The following ADAMTSL1 variants were observed in gnomAD, a reference collection of about 807,000 sequenced individuals.
The protein encoded by ADAMTSL1 is ADAMTS like 1, also known as ADAMTS-like protein 1.
In ADAMTSL1, 126 loss-of-function variants were observed where a neutral mutation model predicts 201.8. The ratio of observed to expected loss-of-function variants is 0.62; its 90% CI spans 0.54 to 0.72. The LOEUF (loss-of-function observed/expected upper bound fraction) is 0.72. ADAMTSL1 is among the 30% of genes least tolerant of loss of function. ADAMTSL1 has a pLI of 0.00. For synonymous variants in ADAMTSL1, 1,121 were observed against 903.4 expected, an observed-to-expected ratio of 1.24 and a Z score of -4.32; for missense variants, 2,679 against 2,277.8, an observed-to-expected ratio of 1.18 and a Z score of -3.59.
chr9:18,708,398 G>A (rs1297851865), intron 14 of ADAMTSL1, among the ~76,000 whole-genome samples: 1 of 152,158 alleles, frequency 6.6e-6, no homozygotes, highest in Non-Finnish European at 1.5e-5. Flanking sequence ...GGAGAGCCCT[G>A]GTATGTTAAA....
Position 18,634,855 on chromosome 9 carries a change from G to C in ADAMTSL1, c.602-1088G>C, listed in dbSNP as rs1263816209. Among the ~76,000 whole-genome samples the C allele has an allele frequency of 1.0e-4, 9 of 85,868 alleles. No homozygotes were observed. In the Admixed American group the frequency reaches 1.3e-3, roughly 13 times the overall value. The allele number at this position is 85,868 out of a possible 152,430, so 56.3% of individuals were successfully genotyped here. A position where few individuals can be genotyped will look rare whatever the true frequency, so the allele number is the denominator to read the frequency against. On this transcript the variant is annotated intron_variant, in intron 5 of 28. Transcript: ENST00000380548. ...TTCCTCAAAAAAAAAAAAAGAATAT[G>C]TAAATATATATATATATATTTATAT... is the stretch of plus-strand genomic sequence containing the variant.
chr9:18,206,355 C>T (rs1167963504), intron 2 of ADAMTSL1, among the ~76,000 whole-genome samples: 1 of 152,118 alleles, frequency 6.6e-6, no homozygotes, highest in African/African-American at 2.4e-5. Context: ...GCTGGGTGTA[C>T]TAGAGCAGCA....
At chr9:18,886,166 GTATATATATATATATATATATATA>G (rs751978972) in intron 23 of ADAMTSL1, among the ~76,000 whole-genome samples, 1 of 37,138 alleles carries the variant, frequency 2.7e-5, no homozygotes, top group East Asian at 5.4e-4. Context: ...GTGTGTATGT[GTATATATATATATATATATATATA>G]TATATATATA....
In ADAMTSL1 at chr9:18,387,533, AC is replaced by A. The variant is rs567864047; in HGVS notation, c.208-117295del. On this transcript the variant is annotated intron_variant, in intron 2 of 29. Transcript: ENST00000680146. ...ATAAATCATATATAGTATTAATGTT[AC>A]ATTTTTAAAATTATTTCACTTAGTA... Among the ~76,000 whole-genome samples the A allele has an allele frequency of 5.3e-5, 8 of 152,310 alleles. No individual in the cohort carries two copies. The East Asian group carries it at 1.5e-3, about 29-fold the overall frequency.
chr9:17,914,895 C>G (rs570744097), intron 1 of ADAMTSL1, among the ~76,000 whole-genome samples: 1 of 152,140 alleles, frequency 6.6e-6, no homozygotes, highest in East Asian at 1.9e-4. Flanking sequence ...AACAGAGAGC[C>G]AAACCAACTA....
rs1209196635 is a variant in ADAMTSL1, at chr9:18,731,123, G to A, written c.2006+9458G>A. On this transcript the variant is annotated intron_variant, in intron 15 of 28. Coordinates refer to ENST00000380548, the MANE Select transcript of ADAMTSL1 (RefSeq NM_001040272.6). ...AATCTTGGCAATTTTTAAGAATTGG[G>A]GAATTTCAGGAGGACAAGACCAAGA... Among the ~76,000 whole-genome samples, 3 of 152,146 alleles carry A rather than the reference G, an allele frequency of 2.0e-5. 1 individual carries two copies. Among genetic ancestry groups the A allele is most frequent in the Non-Finnish European group, 1.5e-5 (1 of 68,028 alleles).
At chr9:18,280,271 G>T (rs903520654) in intron 2 of ADAMTSL1, among the ~76,000 whole-genome samples, 2 of 152,088 alleles carry the variant, frequency 1.3e-5, no homozygotes, top group Non-Finnish European at 2.9e-5. Flanking sequence ...GGCTGCAGGG[G>T]CTTGCTTGGC....
At chr9:18,629,982 T>A (rs201802097) in intron 5 of ADAMTSL1, among the ~76,000 whole-genome samples, 40 of 71,180 alleles carry the variant, frequency 5.6e-4, no homozygotes, top group African/African-American at 1.7e-3. Context: ...TATGTGCTGT[T>A]TTTTTTGTTT....
chr9:17,999,657 G>T (rs926377002), intron 1 of ADAMTSL1, among the ~76,000 whole-genome samples: 5 of 150,452 alleles, frequency 3.3e-5, no homozygotes, highest in Admixed American at 2.0e-4. Context: ...CCATTGTGCA[G>T]GTTAGTTACA....
chr9:18,058,527 T>C (rs1822298814), intron 1 of ADAMTSL1, among the ~76,000 whole-genome samples: 1 of 152,122 alleles, frequency 6.6e-6, no homozygotes, highest in African/African-American at 2.4e-5. Context: ...ATTGTGAGCA[T>C]ATTTTTTTTT....
chr9:18,655,806 TAAAAAAAAAAAAA>T (rs56662538), intron 7 of ADAMTSL1, among the ~76,000 whole-genome samples: 14,154 of 82,218 alleles, frequency 0.17, 1,019 homozygotes, highest in Middle Eastern at 0.23. Context: ...TTTGTGAGCT[TAAAAAAAAAAAAA>T]AAAAAAAAAA....
At position 17,959,316 on chromosome 9, in the gene ADAMTSL1, A is replaced by C. The variant is rs532833760; in HGVS notation, c.87+52394A>C. Among the ~76,000 whole-genome samples, 29 of 152,152 alleles carry C rather than the reference A, an allele frequency of 1.9e-4. 1 individual carries two copies. In the Middle Eastern group the frequency reaches 0.014, roughly 71 times the overall value. On this transcript the variant is annotated intron_variant, in intron 1 of 29. Coordinates refer to the ADAMTSL1 transcript ENST00000680146. Reference sequence around the variant, plus strand: ...TCTTCTTTTGCATTAGAGGTCTGCTATTTTGGCGTTTTTGTATGATTAAAA... The same window carrying C: ...TCTTCTTTTGCATTAGAGGTCTGCTCTTTTGGCGTTTTTGTATGATTAAAA...
chr9:17,969,719 G>C (rs1818130560), intron 1 of ADAMTSL1, among the ~76,000 whole-genome samples: 1 of 152,012 alleles, frequency 6.6e-6, no homozygotes, highest in South Asian at 2.1e-4. Flanking sequence ...TTTTTAGAAA[G>C]TGTTCTTAGA....
At chr9:18,561,905 C>T (rs1821526848) in intron 3 of ADAMTSL1, among the ~76,000 whole-genome samples, 1 of 152,038 alleles carries the variant, frequency 6.6e-6, no homozygotes, top group Non-Finnish European at 1.5e-5. Context: ...TATTTTGAGC[C>T]TATGTGTGTC....
At chr9:18,388,949 G>A (rs1837929583) in intron 2 of ADAMTSL1, among the ~76,000 whole-genome samples, 1 of 151,828 alleles carries the variant, frequency 6.6e-6, no homozygotes, top group Admixed American at 6.6e-5. Flanking sequence ...TAGAGACGGG[G>A]TTTCACCATC....
chr9:18,657,688 A>G lies in ADAMTSL1; in HGVS notation c.884A>G (p.Gln295Arg). 6.2e-7 allele frequency: 1 copy of G among 1,614,180 alleles called. No individual in the cohort carries two copies. Among genetic ancestry groups the G allele is most frequent in the Non-Finnish European group, 8.5e-7 (1 of 1,180,020 alleles). ...ADSTVQFIFY[Q>R]PIIHRWRETD... The stretch of plus-strand genomic sequence containing the variant: ...AGTACAGTCCAGTTCATCTTCTATC[A>G]ACCCATCATCCACCGATGGAGGGAG... Residue 295 changes from glutamine (Q) to arginine (R), a missense_variant, in exon 8 of 29, where the codon CAA becomes CGA. Physicochemically the swap from Gln to Arg is conservative, Grantham distance 43 (BLOSUM62 1). Transcript: ENST00000380548.
Position 18,474,287 on chromosome 9 carries a change from C to G in ADAMTSL1, c.55C>G (p.Leu19Val). 2 of 1,614,088 alleles carry G rather than the reference C, an allele frequency of 1.2e-6. No homozygotes were observed. Among genetic ancestry groups the G allele is most frequent in the Non-Finnish European group, 1.7e-6 (2 of 1,180,010 alleles). The change falls in exon 1 of 29, where the codon CTG (leucine) becomes GTG (valine). Residue 19 changes from leucine (L) to valine (V), a missense_variant. By Grantham distance (32) the Leu-to-Val change is conservative (BLOSUM62 1). Transcript: ENST00000380548. ...PGTLLLFLAF[L>V]LLSSRTARSE... ...CACACTGCTCCTCTTTCTGGCTTTC[C>G]TGCTCCTGGTAAATGCCTTTTCATT... is the stretch of plus-strand genomic sequence containing the variant.
intron 2 of ADAMTSL1, among the ~76,000 whole-genome samples, chr9:18,180,108 A>G (rs1185045320): frequency 6.6e-6 from 1 of 152,208 alleles, no homozygotes; most frequent in Non-Finnish European, 1.5e-5. Context: ...AAGACCCATC[A>G]CTGTGCTGTA....
chr9:18,517,188 A>G (rs1053695695), intron 2 of ADAMTSL1, among the ~76,000 whole-genome samples: 4 of 152,248 alleles, frequency 2.6e-5, no homozygotes, highest in African/African-American at 9.6e-5. Context: ...ATGTGTGTGT[A>G]TACTATAAAG....
Sources: gnomAD v4.1 joint callset for allele counts (sites outside exome capture counted in the v4.1 genomes callset) on GRCh38, gnomAD v4.1.1 for gene constraint, MANE v1.5 for transcripts, NCBI Gene and HGNC (gene_info 2026-07-23, HGNC 2026-07-21) for gene names.